The following G2E3 variants were observed in gnomAD, a reference collection of about 807,000 sequenced individuals.
The protein encoded by G2E3 is G2/M-phase specific E3 ubiquitin protein ligase.
G2E3 carries 35 observed loss-of-function variants against 92.8 expected under a neutral mutation model. The observed-to-expected ratio is 0.38, with a 90% CI of 0.29 to 0.50. The LOEUF (loss-of-function observed/expected upper bound fraction) is 0.50. Ranked by LOEUF, G2E3 falls within the 20% of genes least tolerant of loss-of-function variation. The pLI, the probability that G2E3 is intolerant of heterozygous loss-of-function variation, is 0.94. For synonymous variants in G2E3, 242 were observed against 272.4 expected (o/e 0.89, Z 1.10); for missense variants, 554 against 823.8 (o/e 0.67, Z 4.01).
At chr14:30,588,350 G>T (rs549927660) in intron 3 of G2E3, among the ~76,000 whole-genome samples, 2 of 146,408 alleles carry the variant, frequency 1.4e-5, no homozygotes, top group East Asian at 1.9e-4. Context: ...GTGTCTGCAG[G>T]TTATGTTTTC....
Position 30,616,692 on chromosome 14 carries a change from G to T in G2E3, c.*158G>T. 1 of 556,270 alleles carries T rather than the reference G, an allele frequency of 1.8e-6. No homozygotes were observed. Among genetic ancestry groups the T allele is most frequent in the Admixed American group, 3.8e-5 (1 of 25,994 alleles). The allele number at this position is 556,270 out of a possible 1,614,324, so 34.5% of individuals were successfully genotyped here. A position where few individuals can be genotyped will look rare whatever the true frequency, so the allele number is the denominator to read the frequency against. On this transcript the variant is annotated 3_prime_UTR_variant, in exon 15 of 15. Transcript: ENST00000206595. ...TATAAAGGAATATTATAGCCACTTA[G>T]GCTAAAAAAAGGTTTTTTTTGTTAA...
At chr14:30,611,361 A>G (rs377743665) in intron 12 of G2E3, 6 of 152,226 alleles carry the variant, frequency 3.9e-5, no homozygotes, top group South Asian at 2.1e-4. Context: ...GAGATTTTGA[A>G]TGAATGAAAA....
chr14:30,568,253 T>G (rs1879554397), intron 1 of G2E3, among the ~76,000 whole-genome samples: 1 of 152,150 alleles, frequency 6.6e-6, no homozygotes, highest in African/African-American at 2.4e-5. Flanking sequence ...GATTACTGTT[T>G]GTATGAAGTA....
At chr14:30,580,193 A>G (rs1393072250) in intron 1 of G2E3, among the ~76,000 whole-genome samples, 2 of 151,776 alleles carry the variant, frequency 1.3e-5, no homozygotes, top group Non-Finnish European at 2.9e-5. Context: ...CTAATAAAGG[A>G]TTGTTTTTGT....
intron 14 of G2E3, 69 bp downstream of exon 14, chr14:30,615,608 T>G (rs889841561): frequency 2.0e-6 from 2 of 988,196 alleles, no homozygotes; most frequent in Admixed American, 5.5e-5. Flanking sequence ...GTTGGGGGTT[T>G]TATTTGTGTA....
chr14:30,565,249 G>A (rs958613181), intron 1 of G2E3, among the ~76,000 whole-genome samples: 1 of 152,046 alleles, frequency 6.6e-6, no homozygotes, highest in African/African-American at 2.4e-5. Context: ...TTCATGTGCT[G>A]TTGGCCATTT....
rs749824060 is a variant in G2E3 at position 30,581,094 on chromosome 14, A to G, written c.15A>G (p.Lys5=). The change falls in exon 2 of 15, where the codon AAA becomes AAG. Residue 5 remains lysine (K), a synonymous_variant. Transcript: ENST00000206595. MNES[K]PGDSQNLACV... ...TTCCTAGTAAAATGAATGAAAGTAA[A>G]CCTGGTGACTCACAGAACCTTGGTA... is the stretch of plus-strand genomic sequence containing the variant. 2 of 1,480,080 alleles carry G rather than the reference A, an allele frequency of 1.4e-6. No homozygotes were observed. The highest frequency in any genetic ancestry group is 1.1e-5 in the South Asian group (1 of 87,146). 91.7% of individuals were successfully genotyped at this position (1,480,080 alleles called of 1,614,324 possible).
intron 1 of G2E3, among the ~76,000 whole-genome samples, chr14:30,565,195 CATT>C (rs1879356460): frequency 6.6e-6 from 1 of 152,126 alleles, no homozygotes; most frequent in Admixed American, 6.5e-5. Context: ...AGTGGTGTCT[CATT>C]GTGGCTTTGA....
intron 10 of G2E3, among the ~76,000 whole-genome samples, chr14:30,604,918 C>T (rs549307388): frequency 7.9e-5 from 12 of 151,720 alleles, no homozygotes; most frequent in African/African-American, 2.7e-4. Flanking sequence ...ATTTATGAGA[C>T]GGAGTTTCGC....
intron 1 of G2E3, among the ~76,000 whole-genome samples, chr14:30,561,946 A>G (rs1005790073): frequency 2.0e-5 from 3 of 152,056 alleles, no homozygotes; most frequent in Admixed American, 6.6e-5. Flanking sequence ...TTTATAAACT[A>G]TGGAAAAATA....
At chr14:30,583,136 G>A (rs1594479929) in intron 2 of G2E3, among the ~76,000 whole-genome samples, 1 of 152,134 alleles carries the variant, frequency 6.6e-6, no homozygotes, top group East Asian at 1.9e-4. Context: ...AGAGATGCAA[G>A]CACCCTTCAT....
intron 13 of G2E3, 94 bp downstream of exon 13, chr14:30,612,473 G>T: frequency 1.2e-6 from 1 of 809,888 alleles, no homozygotes; most frequent in Non-Finnish European, 1.9e-6. Context: ...TAATAAGTGA[G>T]ATGTTTTTCT....
intron 1 of G2E3, among the ~76,000 whole-genome samples, chr14:30,564,115 C>T (rs1879291026): frequency 1.3e-5 from 2 of 152,112 alleles, no homozygotes; most frequent in South Asian, 4.1e-4. Flanking sequence ...ATAAAAGTCA[C>T]CCATTTTAGG....
chr14:30,578,616 A>G (rs1385656618), intron 1 of G2E3, among the ~76,000 whole-genome samples: 1 of 152,190 alleles, frequency 6.6e-6, no homozygotes, highest in Admixed American at 6.5e-5. Context: ...ATGACAGTGT[A>G]AATCTGTATT....
chr14:30,577,329 C>T (rs1271437125), intron 1 of G2E3, among the ~76,000 whole-genome samples: 1 of 151,234 alleles, frequency 6.6e-6, no homozygotes, highest in Non-Finnish European at 1.5e-5. Context: ...ATTTGACTTA[C>T]TTTTTTTGTG....
chr14:30,568,600 T>G (rs942118508), intron 1 of G2E3, among the ~76,000 whole-genome samples: 1 of 152,154 alleles, frequency 6.6e-6, no homozygotes, highest in Non-Finnish European at 1.5e-5. Flanking sequence ...GGGATTACAA[T>G]TAATATCTTA....
chr14:30,564,466 A>G (rs1171188376), intron 1 of G2E3, among the ~76,000 whole-genome samples: 1 of 152,156 alleles, frequency 6.6e-6, no homozygotes, highest in Non-Finnish European at 1.5e-5. Context: ...CCAGGCAGCT[A>G]GGACTACAGG....
At chr14:30,583,286 A>G (rs1182928032) in intron 2 of G2E3, among the ~76,000 whole-genome samples, 4 of 152,226 alleles carry the variant, frequency 2.6e-5, no homozygotes, top group African/African-American at 4.8e-5. Context: ...ATTTGGTTCT[A>G]TGTATATGTC....
At chr14:30,596,641 T>C (rs1055601653) in intron 6 of G2E3, among the ~76,000 whole-genome samples, 1 of 152,204 alleles carries the variant, frequency 6.6e-6, no homozygotes, top group Non-Finnish European at 1.5e-5. Context: ...AGGTACTCCT[T>C]CTTGTTTCTT....
Sources: allele counts gnomAD v4.1 joint callset (sites outside exome capture counted in the v4.1 genomes callset), GRCh38; gene constraint gnomAD v4.1.1; transcripts MANE v1.5; gene names NCBI Gene and HGNC (gene_info 2026-07-23, HGNC 2026-07-21).